ADNP2: variants seen among roughly 807,000 people sequenced by gnomAD.
ADNP2 encodes activity-dependent neuroprotector homeobox protein 2.
A neutral mutation model predicts 16.4 loss-of-function variants in ADNP2; 8 were observed. The ratio of observed to expected loss-of-function variants is 0.49; its 90% CI spans 0.29 to 0.88. The LOEUF (loss-of-function observed/expected upper bound fraction) is 0.88. Among genes scored for constraint, ADNP2 ranks in the 40% least tolerant of loss-of-function variants. The pLI, the probability that ADNP2 is intolerant of heterozygous loss-of-function variation, is 0.09. For synonymous variants in ADNP2, 637 were observed against 545.8 expected (o/e 1.17, Z -2.33); for missense variants, 1,397 against 1,395.1 (o/e 1.00, Z -0.02).
Position 80,109,280 on chromosome 18 carries a change from C to CT in ADNP2, c.-203dup, listed in dbSNP as rs2052340183. On this transcript the variant is annotated 5_prime_UTR_variant, in exon 1 of 4. Transcript: ENST00000262198. ...TGAGGCCAATCGAGCGCCATTTTCT[C>CT]TTTCTGGCTGCGCGGGAGGAGGGGA... 6.6e-6 allele frequency: 1 copy of CT among 151,962 alleles called. No individual in the cohort carries two copies. The highest frequency in any genetic ancestry group is 2.1e-4 in the South Asian group (1 of 4,828). 9.4% of individuals were successfully genotyped at this position (151,962 alleles called of 1,614,324 possible).
At chr18:80,118,922 A>G (rs2052406423) in intron 2 of ADNP2, among the ~76,000 whole-genome samples, 2 of 152,322 alleles carry the variant, frequency 1.3e-5, no homozygotes, top group South Asian at 2.1e-4. Context: ...TTTATTTGTA[A>G]TTGGGCCTAT....
intron 2 of ADNP2, among the ~76,000 whole-genome samples, chr18:80,132,275 T>C (rs1301595258): frequency 2.0e-5 from 3 of 152,342 alleles, no homozygotes; most frequent in African/African-American, 7.2e-5. Flanking sequence ...CATCTGTTGA[T>C]TAAACCAACT....
At chr18:80,115,075 A>T (rs1005478170) in intron 1 of ADNP2, among the ~76,000 whole-genome samples, 1 of 152,212 alleles carries the variant, frequency 6.6e-6, no homozygotes, top group Admixed American at 6.5e-5. Flanking sequence ...AGGGGGCATT[A>T]GATGCTGCCA....
chr18:80,135,874 G>A lies in ADNP2; in HGVS notation c.461G>A (p.Ser154Asn). The A allele has an allele frequency of 6.2e-7, 1 of 1,614,200 alleles. No individual in the cohort carries two copies. Among genetic ancestry groups the A allele is most frequent in the South Asian group, 1.1e-5 (1 of 91,088 alleles). The change falls in exon 4 of 4, where the codon AGT (serine) becomes AAT (asparagine). Residue 154 changes from serine (S) to asparagine (N), a missense_variant. Coordinates refer to ENST00000262198, the MANE Select transcript of ADNP2 (RefSeq NM_014913.4). ...AAATCATCTAGGAGCGATGTGATAA[G>A]TTTCACATGTCTAAAATGTAACTTT... ...ETKSSRSDVI[S>N]FTCLKCNFSN...
chr18:80,110,759 C>T lies in ADNP2; in HGVS notation c.-14+1287C>T, dbSNP rs573265117. ...AGTTAGGACTTCACTGCGAAGACAGCATTGAGCCCGTCGTCCTTAAACATG... is the reference window on the plus strand; with the variant it reads ...AGTTAGGACTTCACTGCGAAGACAGTATTGAGCCCGTCGTCCTTAAACATG... On this transcript the variant is annotated intron_variant, in intron 1 of 3. Transcript: ENST00000262198. Among the ~76,000 whole-genome samples the T allele has an allele frequency of 9.9e-5, 15 of 152,154 alleles. No homozygotes were observed. In the South Asian group the frequency reaches 1.2e-3, roughly 13 times the overall value.
intron 2 of ADNP2, among the ~76,000 whole-genome samples, chr18:80,130,299 G>T (rs962130314): frequency 1.3e-5 from 2 of 152,176 alleles, no homozygotes; most frequent in Non-Finnish European, 2.9e-5. Flanking sequence ...AGTTGGCTTC[G>T]TGAGCTAATT....
intron 3 of ADNP2, 38 bp from the exon 4 acceptor site, chr18:80,135,574 T>C: frequency 1.3e-6 from 2 of 1,550,834 alleles, no homozygotes. Flanking sequence ...TCTGACAGTT[T>C]ATTCAATTAT....
Position 80,135,806 on chromosome 18 carries a change from C to T in ADNP2, c.393C>T (p.Val131=). Residue 131 remains valine (V), a synonymous_variant, in exon 4 of 4, where the codon GTC becomes GTT. Transcript: ENST00000262198. ...ACTTCAGAATGTTCCATGCACCTGTCCGGAAAGTCCAGAACTACACAGTGA... is the reference window on the plus strand; with the variant it reads ...ACTTCAGAATGTTCCATGCACCTGTTCGGAAAGTCCAGAACTACACAGTGA... The part of the protein sequence containing the change: ...GRHFRMFHAP[V]RKVQNYTVNI... 1.2e-6 allele frequency: 2 copies of T among 1,614,152 alleles called. No homozygotes were observed. Among genetic ancestry groups the T allele is most frequent in the Non-Finnish European group, 1.7e-6 (2 of 1,180,032 alleles).
chr18:80,133,191 T>G lies in ADNP2; in HGVS notation c.197T>G (p.Val66Gly), dbSNP rs987085399. 6.2e-7 allele frequency: 1 copy of G among 1,610,252 alleles called. No homozygotes were observed. Among genetic ancestry groups the G allele is most frequent in the Non-Finnish European group, 8.5e-7 (1 of 1,176,652 alleles). Residue 66 changes from valine (V) to glycine (G), a missense_variant and splice_region_variant, in exon 3 of 4, where the codon GTG becomes GGG. By Grantham distance (109) the Val-to-Gly change is moderately radical. This residue lies in a region of ADNP2 where 777 missense variants were observed against 719.4 expected (regional missense o/e 1.08). Coordinates refer to ENST00000262198, the MANE Select transcript of ADNP2 (RefSeq NM_014913.4). Reference sequence around the variant, plus strand: ...CTCTGGGAACCTTCTGGAAAGAAAGTGGTATGTATTTTTTGCATTTGTTTT... The same window carrying G: ...CTCTGGGAACCTTCTGGAAAGAAAGGGGTATGTATTTTTTGCATTTGTTTT... ...VSLWEPSGKK[V>G]RYRTKPYCCG...
chr18:80,136,997 C>T lies in ADNP2; in HGVS notation c.1584C>T (p.Ser528=). Reference sequence around the variant, plus strand: ...TTTCTCCCAACCAGACAGTCTCCTCCTCAGCTGTTGTGCCTGTAAACCAGG... The same window carrying T: ...TTTCTCCCAACCAGACAGTCTCCTCTTCAGCTGTTGTGCCTGTAAACCAGG... ...GLLSPNQTVS[S]SAVVPVNQGV... is the part of the protein sequence containing the mutation. The change falls in exon 4 of 4, where the codon TCC becomes TCT. Residue 528 remains serine, a synonymous_variant. Transcript: ENST00000262198. The T allele has an allele frequency of 1.2e-6, 2 of 1,614,110 alleles. No individual in the cohort carries two copies. The highest frequency in any genetic ancestry group is 1.7e-6 in the Non-Finnish European group (2 of 1,180,010).
At chr18:80,131,242 A>C (rs1599817693) in intron 2 of ADNP2, among the ~76,000 whole-genome samples, 1 of 151,784 alleles carries the variant, frequency 6.6e-6, no homozygotes, top group African/African-American at 2.4e-5. Context: ...CTCCATGTTC[A>C]CCTGCCCCTG....
At chr18:80,135,017 TAAGAG>T (rs963728823) in intron 3 of ADNP2, among the ~76,000 whole-genome samples, 22 of 152,156 alleles carry the variant, frequency 1.4e-4, no homozygotes, top group African/African-American at 5.3e-4. Flanking sequence ...ACATTGGAAT[TAAGAG>T]AAATGGGATG....
Position 80,138,732 on chromosome 18 carries a change from C to G in ADNP2, c.3319C>G (p.Pro1107Ala), listed in dbSNP as rs774881937. ...CATGAAAGCAATAAAAAATCACAAG[C>G]CTTCTGTACTTTTAGGCTTTGATAT... is the stretch of plus-strand genomic sequence containing the variant. ...ICMKAIKNHK[P>A]SVLLGFDMSE... The change falls in exon 4 of 4, where the codon CCT becomes GCT. Residue 1107 changes from proline (P) to alanine (A), a missense_variant. Pro to Ala is a conservative substitution (Grantham distance 27, BLOSUM62 -1). This residue lies in a region of ADNP2 where 611 missense variants were observed against 648.7 expected (regional missense o/e 0.94). Transcript: ENST00000262198. 1.2e-6 allele frequency: 2 copies of G among 1,605,898 alleles called. No homozygotes were observed. The highest frequency in any genetic ancestry group is 1.7e-6 in the Non-Finnish European group (2 of 1,178,236).
intron 1 of ADNP2, among the ~76,000 whole-genome samples, chr18:80,111,840 CGGCCAACAT>C (rs1276906629): frequency 2.0e-5 from 3 of 151,988 alleles, no homozygotes; most frequent in Non-Finnish European, 4.4e-5. Flanking sequence ...CCGTTGCACC[CGGCCAACAT>C]TTTCTTTTAG....
intron 2 of ADNP2, among the ~76,000 whole-genome samples, chr18:80,123,881 C>A (rs1295008314): frequency 6.6e-6 from 1 of 152,084 alleles, no homozygotes; most frequent in Non-Finnish European, 1.5e-5. Context: ...AGGCGTGCAT[C>A]ACCATGCCCA....
chr18:80,111,491 G>A (rs947415692), intron 1 of ADNP2, among the ~76,000 whole-genome samples: 5 of 151,552 alleles, frequency 3.3e-5, no homozygotes, highest in African/African-American at 1.2e-4. Context: ...CCATCGTTTT[G>A]TGCGATTTCA....
At chr18:80,124,705 C>G (rs893270054) in intron 2 of ADNP2, among the ~76,000 whole-genome samples, 1 of 152,162 alleles carries the variant, frequency 6.6e-6, no homozygotes, top group African/African-American at 2.4e-5. Context: ...AGTCCCCCAC[C>G]CTCTAAACTT....
intron 2 of ADNP2, 121 bp downstream of exon 2, chr18:80,117,771 G>A (rs2052398952): frequency 1.5e-6 from 1 of 685,390 alleles, no homozygotes; most frequent in Non-Finnish European, 2.4e-6. Context: ...CTGTGTGAAA[G>A]CCTCATTAGT....
intron 2 of ADNP2, among the ~76,000 whole-genome samples, chr18:80,127,339 G>GTTTTTTTTTTTTTT: frequency 9.8e-6 from 1 of 102,190 alleles, no homozygotes; most frequent in Non-Finnish European, 1.8e-5. Flanking sequence ...GGTTTTTTCA[G>GTTTTTTTTTTTTTT]TTTTTTTTTT....
Sources: allele counts gnomAD v4.1 joint callset (sites outside exome capture counted in the v4.1 genomes callset), GRCh38; gene constraint gnomAD v4.1.1; regional missense constraint gnomAD v4.1.1; transcripts MANE v1.5; gene names NCBI Gene and HGNC (gene_info 2026-07-23, HGNC 2026-07-21).